ADAMTSL3: variants seen among roughly 807,000 people sequenced by gnomAD.
The protein encoded by ADAMTSL3 is ADAMTS like 3.
A neutral mutation model predicts 201.7 loss-of-function variants in ADAMTSL3; 128 were observed. The ratio of observed to expected loss-of-function variants is 0.63; its 90% CI spans 0.55 to 0.73. The LOEUF (loss-of-function observed/expected upper bound fraction) is 0.73. ADAMTSL3 is among the 30% of genes least tolerant of loss of function. The pLI is 0.00. For missense variants in ADAMTSL3, 1,990 were observed against 2,119.6 expected, an observed-to-expected ratio of 0.94 and a Z score of 1.20; for synonymous variants, 738 against 748.4, an observed-to-expected ratio of 0.99 and a Z score of 0.23.
At chr15:83,670,633 G>A (rs2061319021) in intron 2 of ADAMTSL3, among the ~76,000 whole-genome samples, 1 of 151,920 alleles carries the variant, frequency 6.6e-6, no homozygotes, top group Non-Finnish European at 1.5e-5. Flanking sequence ...TGAAAAAATG[G>A]CTAAGACCTA....
At position 84,037,765 on chromosome 15, in the gene ADAMTSL3, C is replaced by T. The variant is rs778361620; in HGVS notation, c.5035C>T (p.Arg1679Cys). 44 of 1,613,760 alleles carry T rather than the reference C, an allele frequency of 2.7e-5. No homozygotes were observed. The highest frequency in any genetic ancestry group is 4.0e-5 in the African/African-American group (3 of 74,886). Residue 1679 changes from arginine (R) to cysteine (C), a missense_variant, in exon 30 of 30, where the codon CGC becomes TGC. Arg to Cys is a radical substitution (Grantham distance 180). Coordinates refer to ENST00000286744, the MANE Select transcript of ADAMTSL3 (RefSeq NM_207517.3). ...ACATCTTAATTTGTGTTCTCTAGAC[C>T]GCTACAAACAAAGGTGCTGCCAGTC... ...VKHLNLCSLDRYKQRCCQSCQ... is the reference protein window; with the variant it reads ...VKHLNLCSLDCYKQRCCQSCQ...
intron 2 of ADAMTSL3, among the ~76,000 whole-genome samples, chr15:83,657,490 C>A (rs983790676): frequency 6.6e-6 from 1 of 152,188 alleles, no homozygotes; most frequent in Non-Finnish European, 1.5e-5. Flanking sequence ...TACTGTGTCA[C>A]GCAAACGTCT....
rs2063291439 is a variant in ADAMTSL3, at chr15:83,788,014, T to A, written c.317+14364T>A. On this transcript the variant is annotated intron_variant, in intron 4 of 29. Transcript: ENST00000286744. ...ATTATAAAGACATGTTATTAAATTATGCCTCTATACTATTCACAGCTATGT... is the reference window on the plus strand; with the variant it reads ...ATTATAAAGACATGTTATTAAATTAAGCCTCTATACTATTCACAGCTATGT... 2.0e-5 allele frequency among the ~76,000 whole-genome samples: 3 copies of A among 152,338 alleles called. No individual in the cohort carries two copies. In the South Asian group the frequency reaches 6.2e-4, roughly 32 times the overall value.
At chr15:83,914,412 G>A (rs192741202) in intron 16 of ADAMTSL3, among the ~76,000 whole-genome samples, 8 of 152,180 alleles carry the variant, frequency 5.3e-5, no homozygotes, top group African/African-American at 1.9e-4. Context: ...TGGCTTGATT[G>A]TATCTGTTTT....
chr15:83,792,877 A>G (rs2063365064), intron 4 of ADAMTSL3, among the ~76,000 whole-genome samples: 1 of 152,204 alleles, frequency 6.6e-6, no homozygotes, highest in East Asian at 1.9e-4. Flanking sequence ...TCAAAGAGAT[A>G]TCTGCACTTC....
At chr15:83,889,863 C>A (rs2065469239) in intron 10 of ADAMTSL3, among the ~76,000 whole-genome samples, 2 of 152,124 alleles carry the variant, frequency 1.3e-5, no homozygotes, top group African/African-American at 4.8e-5. Context: ...ACCTGAGAAT[C>A]TTTTTAAAAA....
At chr15:84,010,184 C>A (rs1402413346) in intron 23 of ADAMTSL3, among the ~76,000 whole-genome samples, 1 of 152,198 alleles carries the variant, frequency 6.6e-6, no homozygotes, top group Non-Finnish European at 1.5e-5. Context: ...ACTCACATAA[C>A]AATTGTGTAT....
intron 7 of ADAMTSL3, among the ~76,000 whole-genome samples, chr15:83,843,916 C>T (rs1024882083): frequency 6.6e-6 from 1 of 152,190 alleles, no homozygotes; most frequent in African/African-American, 2.4e-5. Context: ...ACGGAACTGA[C>T]AACCAACATA....
intron 7 of ADAMTSL3, among the ~76,000 whole-genome samples, chr15:83,854,606 C>T (rs757039831): frequency 2.0e-5 from 3 of 152,174 alleles, no homozygotes; most frequent in Non-Finnish European, 4.4e-5. Context: ...TGTAAATATT[C>T]TGGCTTGCAA....
chr15:83,814,487 T>C (rs1385357576), intron 5 of ADAMTSL3, among the ~76,000 whole-genome samples: 4 of 152,204 alleles, frequency 2.6e-5, no homozygotes, highest in African/African-American at 9.6e-5. Context: ...AACGAATTTA[T>C]TTCTGCTGTT....
At position 83,708,121 on chromosome 15, in the gene ADAMTSL3, CA is replaced by C. The variant is rs1168222294; in HGVS notation, c.189+3614del. 5.9e-5 allele frequency among the ~76,000 whole-genome samples: 9 copies of C among 152,274 alleles called. No individual in the cohort carries two copies. In the East Asian group the frequency reaches 1.7e-3, roughly 29 times the overall value. ...CTGTGGAATCTCCATATATATATGC[CA>C]GGGGTGCTGTCCTGCTGTCACAGTG... On this transcript the variant is annotated intron_variant, in intron 3 of 29. Coordinates refer to ENST00000286744, the MANE Select transcript of ADAMTSL3 (RefSeq NM_207517.3).
chr15:83,900,884 G>A (rs953070194), intron 15 of ADAMTSL3, among the ~76,000 whole-genome samples: 2 of 152,150 alleles, frequency 1.3e-5, no homozygotes, highest in Non-Finnish European at 2.9e-5. Flanking sequence ...TCTTTCCCAA[G>A]TTCATCATTC....
chr15:83,957,625 G>T (rs1052158868), intron 19 of ADAMTSL3, among the ~76,000 whole-genome samples: 2 of 152,064 alleles, frequency 1.3e-5, no homozygotes, highest in African/African-American at 4.8e-5. Flanking sequence ...TTGTATTTTT[G>T]TCCTGGGAAG....
intron 17 of ADAMTSL3, among the ~76,000 whole-genome samples, chr15:83,924,504 G>A (rs991652419): frequency 1.3e-5 from 2 of 152,128 alleles, no homozygotes; most frequent in Middle Eastern, 3.2e-3. Flanking sequence ...CCTTCCCATT[G>A]ACTTGCCTTG....
At chr15:83,896,608 G>T (rs2065620144) in intron 13 of ADAMTSL3, among the ~76,000 whole-genome samples, 1 of 152,026 alleles carries the variant, frequency 6.6e-6, no homozygotes, top group African/African-American at 2.4e-5. Flanking sequence ...ATCATAGGGG[G>T]AAAAAGGGGT....
At chr15:83,841,006 A>G (rs2064363667) in intron 7 of ADAMTSL3, among the ~76,000 whole-genome samples, 2 of 152,358 alleles carry the variant, frequency 1.3e-5, no homozygotes, top group South Asian at 4.1e-4. Context: ...CCAGATAATA[A>G]GGAAGAACAT....
intron 5 of ADAMTSL3, 53 bp downstream of exon 5, chr15:83,804,748 G>A: frequency 1.4e-6 from 2 of 1,380,772 alleles, no homozygotes; most frequent in Non-Finnish European, 2.0e-6. Context: ...CTTGTTTTAA[G>A]TTACAATATT....
At chr15:84,000,891 G>T (rs769650484) in intron 23 of ADAMTSL3, among the ~76,000 whole-genome samples, 1 of 152,206 alleles carries the variant, frequency 6.6e-6, no homozygotes, top group Non-Finnish European at 1.5e-5. Context: ...TGTAAGTGTG[G>T]ACCAGAATGT....
At chr15:83,828,171 C>T (rs1331991363) in intron 6 of ADAMTSL3, among the ~76,000 whole-genome samples, 2 of 152,166 alleles carry the variant, frequency 1.3e-5, no homozygotes, top group African/African-American at 2.4e-5. Context: ...ATGGAATGTT[C>T]TCCCATTTGT....
Sources: gnomAD v4.1 joint callset for allele counts (sites outside exome capture counted in the v4.1 genomes callset) on GRCh38, gnomAD v4.1.1 for gene constraint, MANE v1.5 for transcripts, NCBI Gene and HGNC (gene_info 2026-07-23, HGNC 2026-07-21) for gene names.